Variants in SORCS3 observed in about 807,000 individuals in gnomAD.
SORCS3 encodes sortilin related VPS10 domain containing receptor 3.
Under a neutral mutation model 146.3 loss-of-function variants are expected in SORCS3, and 57 were observed. The observed-to-expected ratio is 0.39, with a 90% CI of 0.31 to 0.49. The LOEUF is 0.49. Among genes scored for constraint, SORCS3 ranks in the 20% least tolerant of loss-of-function variants. The probability of loss-of-function intolerance (pLI) is 0.92; values close to 1 mark genes in which losing one functional copy is unlikely to be tolerated. For missense variants in SORCS3, 1,341 were observed against 1,575.5 expected (o/e 0.85, Z 2.52); for synonymous variants, 653 against 618.5 (o/e 1.06, Z -0.83).
intron 4 of SORCS3, among the ~76,000 whole-genome samples, chr10:105,000,182 A>C (rs2055052643): frequency 6.6e-6 from 1 of 152,176 alleles, no homozygotes. Flanking sequence ...ACAGAAGAAA[A>C]CAGAGTGGGA....
At chr10:104,692,029 G>A (rs2016119807) in intron 1 of SORCS3, among the ~76,000 whole-genome samples, 1 of 152,114 alleles carries the variant, frequency 6.6e-6, no homozygotes, top group South Asian at 2.1e-4. Context: ...GACACATACA[G>A]GTATTCATGA....
intron 3 of SORCS3, among the ~76,000 whole-genome samples, chr10:104,973,185 G>A (rs1483991458): frequency 6.6e-6 from 1 of 152,134 alleles, no homozygotes; most frequent in East Asian, 1.9e-4. Context: ...GCCCAGCTTT[G>A]GTATGAGGAT....
chr10:105,167,744 G>T, intron 13 of SORCS3, among the ~76,000 whole-genome samples: 1 of 152,114 alleles, frequency 6.6e-6, no homozygotes, highest in Non-Finnish European at 1.5e-5. Context: ...GAATATTTCA[G>T]CAGAAATGGC....
intron 1 of SORCS3, among the ~76,000 whole-genome samples, chr10:104,656,466 T>C (rs1358589456): frequency 1.3e-5 from 2 of 151,828 alleles, no homozygotes; most frequent in Non-Finnish European, 2.9e-5. Context: ...AGAGGCAACA[T>C]GGAGAAACTC....
At chr10:104,858,597 A>G (rs1261282671) in intron 2 of SORCS3, among the ~76,000 whole-genome samples, 2 of 149,940 alleles carry the variant, frequency 1.3e-5, no homozygotes, top group African/African-American at 2.5e-5. Context: ...CTTAGCATAC[A>G]TTGTCAGATT....
chr10:105,036,148 C>G (rs1391235719), intron 4 of SORCS3, among the ~76,000 whole-genome samples: 1 of 152,136 alleles, frequency 6.6e-6, no homozygotes, highest in Non-Finnish European at 1.5e-5. Flanking sequence ...TGTTAGGTTT[C>G]CAAACTTTTT....
chr10:105,019,961 A>T (rs576230698), intron 4 of SORCS3, among the ~76,000 whole-genome samples: 1 of 152,342 alleles, frequency 6.6e-6, no homozygotes, highest in African/African-American at 2.4e-5. Context: ...ATTGATTACC[A>T]TAGAAATACA....
At chr10:105,260,510 C>T (rs1313940499) in intron 25 of SORCS3, among the ~76,000 whole-genome samples, 1 of 152,256 alleles carries the variant, frequency 6.6e-6, no homozygotes, top group Non-Finnish European at 1.5e-5. Flanking sequence ...ATTAAACTGG[C>T]TTAGACCAGT....
chr10:105,073,423 G>A (rs927037500), intron 5 of SORCS3, among the ~76,000 whole-genome samples: 3 of 152,186 alleles, frequency 2.0e-5, no homozygotes, highest in Admixed American at 2.0e-4. Flanking sequence ...TACACACGTA[G>A]AGGATCTAAC....
intron 9 of SORCS3, among the ~76,000 whole-genome samples, chr10:105,153,640 T>A (rs2056183629): frequency 8.1e-6 from 1 of 123,616 alleles, no homozygotes; most frequent in South Asian, 2.5e-4. Flanking sequence ...AGAGAGTGTG[T>A]GTGTATGTGT....
At chr10:104,981,097 T>G (rs1478188797) in intron 4 of SORCS3, among the ~76,000 whole-genome samples, 1 of 152,198 alleles carries the variant, frequency 6.6e-6, no homozygotes, top group African/African-American at 2.4e-5. Context: ...GCAATCCTGA[T>G]GCACCCCAGT....
chr10:105,187,987 G>C (rs1488179872), intron 14 of SORCS3, among the ~76,000 whole-genome samples: 3 of 152,088 alleles, frequency 2.0e-5, no homozygotes, highest in African/African-American at 2.4e-5. Flanking sequence ...AAATGGTGGT[G>C]GTGGTGCTGC....
At chr10:104,723,822 T>G (rs924490574) in intron 1 of SORCS3, among the ~76,000 whole-genome samples, 1 of 152,204 alleles carries the variant, frequency 6.6e-6, no homozygotes, top group African/African-American at 2.4e-5. Context: ...GTTTTCCATT[T>G]GCTTGGTAGA....
At chr10:105,164,243 C>T in intron 11 of SORCS3, 60 bp from the exon 12 acceptor site, 1 of 1,280,382 alleles carries the variant, frequency 7.8e-7, no homozygotes, top group Middle Eastern at 1.8e-4. Context: ...CATCCCTCAG[C>T]CCTAAGCACA....
At chr10:104,649,727 A>G (rs1320627754) in intron 1 of SORCS3, among the ~76,000 whole-genome samples, 2 of 152,238 alleles carry the variant, frequency 1.3e-5, no homozygotes, top group South Asian at 2.1e-4. Context: ...CTTGAAATTC[A>G]TACTCAGAAT....
chr10:104,696,009 ATAAT>A (rs200186985), intron 1 of SORCS3, among the ~76,000 whole-genome samples: 12,991 of 102,956 alleles, frequency 0.13, 661 homozygotes, highest in South Asian at 0.19. Flanking sequence ...TATAATATAT[ATAAT>A]ATATATCATA....
At chr10:104,897,570 GT>G (rs1564708470) in intron 2 of SORCS3, among the ~76,000 whole-genome samples, 1 of 152,166 alleles carries the variant, frequency 6.6e-6, no homozygotes, top group East Asian at 1.9e-4. Context: ...AAAGCTGTAT[GT>G]TCATCTAAGA....
Position 104,874,621 on chromosome 10 carries a change from A to T in SORCS3, c.695+31762A>T, listed in dbSNP as rs1441714227. On this transcript the variant is annotated intron_variant, in intron 2 of 26. Coordinates refer to ENST00000369701, the MANE Select transcript of SORCS3 (RefSeq NM_014978.3). ...GAAGTAAACCTTATATGTAATTGGG[A>T]TGGGTAGAATTAGGAATGGCTACTA... 2.0e-5 allele frequency among the ~76,000 whole-genome samples: 3 copies of T among 152,132 alleles called. No homozygotes were observed. The East Asian group carries it at 5.8e-4, about 29-fold the overall frequency.
intron 1 of SORCS3, among the ~76,000 whole-genome samples, chr10:104,809,364 G>T (rs2017715720): frequency 6.6e-6 from 1 of 152,178 alleles, no homozygotes; most frequent in African/African-American, 2.4e-5. Context: ...GTCAGCTGGG[G>T]TGCTAGGGAA....
Sources: allele counts gnomAD v4.1 joint callset (sites outside exome capture counted in the v4.1 genomes callset), GRCh38; gene constraint gnomAD v4.1.1; transcripts MANE v1.5; gene names NCBI Gene and HGNC (gene_info 2026-07-23, HGNC 2026-07-21).